The following NUDCD3 variants were observed in gnomAD, a reference collection of about 807,000 sequenced individuals.
The protein encoded by NUDCD3 is NudC domain containing 3, also known as nudC domain-containing protein 3.
A neutral mutation model predicts 39.7 loss-of-function variants in NUDCD3; 13 were observed. That is an observed-to-expected ratio of 0.33 (90% CI 0.21 to 0.52). The LOEUF is 0.52. NUDCD3 is among the 20% of genes least tolerant of loss of function. The pLI is 0.96. For synonymous variants in NUDCD3, 175 were observed against 172.4 expected (o/e 1.02, Z -0.12); for missense variants, 453 against 458.1 (o/e 0.99, Z 0.10).
intron 3 of NUDCD3, among the ~76,000 whole-genome samples, chr7:44,414,862 G>A (rs1386517524): frequency 2.0e-5 from 3 of 152,162 alleles, no homozygotes; most frequent in Non-Finnish European, 2.9e-5. Flanking sequence ...GCCTCACTAC[G>A]AATCTAAGCC....
chr7:44,410,521 G>A (rs1163486832), intron 3 of NUDCD3, among the ~76,000 whole-genome samples: 12 of 152,020 alleles, frequency 7.9e-5, no homozygotes, highest in African/African-American at 1.7e-4. Context: ...AAAATTATCC[G>A]GGTGTGGTGG....
At chr7:44,442,088 G>C (rs1178219358) in intron 2 of NUDCD3, among the ~76,000 whole-genome samples, 2 of 152,182 alleles carry the variant, frequency 1.3e-5, no homozygotes, top group African/African-American at 2.4e-5. Context: ...TGAGTGAATA[G>C]ATACAATGCT....
chr7:44,483,742 C>T (rs1052930316), intron 2 of NUDCD3, among the ~76,000 whole-genome samples: 10 of 152,192 alleles, frequency 6.6e-5, no homozygotes, highest in African/African-American at 2.4e-4. Flanking sequence ...GTTCACTTTG[C>T]TTCATTAACT....
At chr7:44,406,835 G>A (rs1798830245) in intron 3 of NUDCD3, among the ~76,000 whole-genome samples, 1 of 152,180 alleles carries the variant, frequency 6.6e-6, no homozygotes, top group African/African-American at 2.4e-5. Context: ...GAAGACAAAA[G>A]GAGGAGGGGC....
At chr7:44,416,716 A>C (rs908735887) in intron 3 of NUDCD3, among the ~76,000 whole-genome samples, 1 of 152,236 alleles carries the variant, frequency 6.6e-6, no homozygotes, top group Non-Finnish European at 1.5e-5. Context: ...AGCCACTATT[A>C]AATAAGCCAC....
intron 4 of NUDCD3, 141 bp downstream of exon 4, chr7:44,404,299 T>G: frequency 1.3e-6 from 1 of 791,146 alleles, no homozygotes; most frequent in South Asian, 1.8e-5. Context: ...GTATGGAAAA[T>G]GCTCAGGAAA....
chr7:44,420,526 G>A (rs367768516), intron 3 of NUDCD3, among the ~76,000 whole-genome samples: 2 of 152,226 alleles, frequency 1.3e-5, no homozygotes, highest in East Asian at 3.9e-4. Flanking sequence ...CTTGAGAAGA[G>A]CAACCCCAAG....
intron 2 of NUDCD3, among the ~76,000 whole-genome samples, chr7:44,430,517 A>T (rs1476811383): frequency 6.6e-6 from 1 of 152,008 alleles, no homozygotes; most frequent in Non-Finnish European, 1.5e-5. Context: ...TACCATTTGA[A>T]AAAAGTCAAA....
chr7:44,454,283 G>A (rs937719629), intron 2 of NUDCD3, among the ~76,000 whole-genome samples: 3 of 152,214 alleles, frequency 2.0e-5, no homozygotes, highest in African/African-American at 7.2e-5. Context: ...AGCTTGCAGT[G>A]AGCTGAGATC....
intron 2 of NUDCD3, among the ~76,000 whole-genome samples, chr7:44,445,922 C>T (rs1388791817): frequency 6.6e-6 from 1 of 152,252 alleles, no homozygotes; most frequent in East Asian, 1.9e-4. Context: ...TGCCCAGCCA[C>T]TAGTTGGTGA....
intron 3 of NUDCD3, among the ~76,000 whole-genome samples, chr7:44,423,370 C>T (rs1255619993): frequency 6.6e-6 from 1 of 151,844 alleles, no homozygotes; most frequent in Non-Finnish European, 1.5e-5. Flanking sequence ...TTGCAGATGA[C>T]ATGATCGTAC....
At chr7:44,415,819 T>G (rs1415663172) in intron 3 of NUDCD3, among the ~76,000 whole-genome samples, 1 of 152,200 alleles carries the variant, frequency 6.6e-6, no homozygotes, top group Non-Finnish European at 1.5e-5. Flanking sequence ...TCAGTTGAGT[T>G]GTTGCAGCCG....
intron 3 of NUDCD3, among the ~76,000 whole-genome samples, chr7:44,410,015 G>C (rs2116880476): frequency 6.6e-6 from 1 of 152,080 alleles, no homozygotes; most frequent in Admixed American, 6.5e-5. Flanking sequence ...AAAAAACAGT[G>C]AAGAAAAATA....
At chr7:44,419,897 A>G (rs1446041432) in intron 3 of NUDCD3, among the ~76,000 whole-genome samples, 1 of 152,248 alleles carries the variant, frequency 6.6e-6, no homozygotes, top group East Asian at 1.9e-4. Context: ...GGAAAAAACC[A>G]GCACAAAAAT....
rs182953024 is a variant in NUDCD3 at position 44,483,716 on chromosome 7, T to G, written c.509+1252A>C. Among the ~76,000 whole-genome samples, 826 of 152,270 alleles carry G rather than the reference T, an allele frequency of 5.4e-3. 5 individuals carry two copies. Among genetic ancestry groups the G allele is most frequent in the Non-Finnish European group, 5.6e-3 (378 of 68,018 alleles). ...TTATTTTCTCTTACTCCATATTTTA[T>G]AAGCCATTCCAAGTTGTTCACTTTG... On this transcript the variant is annotated intron_variant, in intron 2 of 5. Transcript: ENST00000355451.
chr7:44,445,254 A>C (rs1799669457), intron 2 of NUDCD3, among the ~76,000 whole-genome samples: 2 of 152,228 alleles, frequency 1.3e-5, no homozygotes, highest in South Asian at 2.1e-4. Flanking sequence ...ACCCTGACTG[A>C]CTGCTGCCTA....
intron 2 of NUDCD3, chr7:44,468,347 TGCA>T: frequency 4.0e-6 from 2 of 502,034 alleles, no homozygotes; most frequent in South Asian, 6.9e-5. Context: ...ATGTAAAAAC[TGCA>T]AAAAAAAAAA....
intron 2 of NUDCD3, among the ~76,000 whole-genome samples, chr7:44,429,363 T>C (rs890824718): frequency 2.0e-5 from 3 of 152,070 alleles, no homozygotes; most frequent in South Asian, 2.1e-4. Flanking sequence ...AAGGGGGACT[T>C]TGGAGAGATG....
intron 2 of NUDCD3, among the ~76,000 whole-genome samples, chr7:44,456,034 A>T (rs1799889180): frequency 7.6e-6 from 1 of 131,142 alleles, no homozygotes; most frequent in South Asian, 2.4e-4. Context: ...TCAAAAAAAA[A>T]AAAAAAAAAA....
Sources: gnomAD v4.1 joint callset for allele counts (sites outside exome capture counted in the v4.1 genomes callset) on GRCh38, gnomAD v4.1.1 for gene constraint, MANE v1.5 for transcripts, NCBI Gene and HGNC (gene_info 2026-07-23, HGNC 2026-07-21) for gene names.